CELF2: variants seen among roughly 807,000 people sequenced by gnomAD.
CELF2 encodes the protein CUGBP Elav-like family member 2.
Under a neutral mutation model 62.6 loss-of-function variants are expected in CELF2, and 8 were observed. The ratio of observed to expected loss-of-function variants is 0.13; its 90% confidence interval spans 0.07 to 0.23. The LOEUF is 0.23. Ranked by LOEUF, CELF2 falls within the 10% of genes least tolerant of loss-of-function variation. The probability of loss-of-function intolerance (pLI) is 1.00; values close to 1 mark genes in which losing one functional copy is unlikely to be tolerated. For synonymous variants in CELF2, 258 were observed against 250.0 expected (o/e 1.03, Z -0.30); for missense variants, 333 against 671.0 (o/e 0.50, Z 5.56).
chr10:10,945,348 G>A (rs1179613469), intron 2 of CELF2, among the ~76,000 whole-genome samples: 2 of 152,182 alleles, frequency 1.3e-5, no homozygotes, highest in African/African-American at 4.8e-5. Flanking sequence ...AACTTGCCCT[G>A]AGTACCTGCT....
At chr10:10,613,266 G>T in the CELF2 span, among the ~76,000 whole-genome samples, 2 of 152,120 alleles carry the variant, frequency 1.3e-5, no homozygotes, top group African/African-American at 2.4e-5. Context: ...GAATATTATT[G>T]TTGCTTGACA....
chr10:10,702,837 G>A, the CELF2 span, among the ~76,000 whole-genome samples: 1 of 152,138 alleles, frequency 6.6e-6, no homozygotes, highest in Non-Finnish European at 1.5e-5. Context: ...ACCCACCTAG[G>A]CCTCCCAAAG....
At chr10:10,878,552 C>A (rs1233743080) in intron 1 of CELF2, among the ~76,000 whole-genome samples, 2 of 152,150 alleles carry the variant, frequency 1.3e-5, no homozygotes, top group Non-Finnish European at 2.9e-5. Flanking sequence ...AGATCTCATA[C>A]ACACACGTCC....
rs1368028636 is a variant in CELF2, at chr10:11,178,109, T to A, written c.271+12427T>A. On this transcript the variant is annotated intron_variant, in intron 2 of 12. Transcript: ENST00000633077. The surrounding 1 kb of genome is among the most constrained non-coding windows in gnomAD (Gnocchi z 4.3). ...AGCTGCAGCCATGCTACCTGCCACATGCCCTGGCCTGCGTCAGCGTTATGG... is the reference window on the plus strand; with the variant it reads ...AGCTGCAGCCATGCTACCTGCCACAAGCCCTGGCCTGCGTCAGCGTTATGG... 6.6e-6 allele frequency among the ~76,000 whole-genome samples: 1 copy of A among 152,244 alleles called. No individual in the cohort carries two copies. The highest frequency in any genetic ancestry group is 2.4e-5 in the African/African-American group (1 of 41,470).
chr10:10,643,078 G>A, the CELF2 span, among the ~76,000 whole-genome samples: 1 of 152,242 alleles, frequency 6.6e-6, no homozygotes, highest in African/African-American at 2.4e-5. Context: ...TGTTTTAACT[G>A]TCACATGGCT....
chr10:11,180,424 G>A (rs796979294), intron 2 of CELF2, among the ~76,000 whole-genome samples: 11 of 152,334 alleles, frequency 7.2e-5, no homozygotes, highest in African/African-American at 2.6e-4. Context: ...GAACAGGGCC[G>A]TTGAGCAGAT....
the CELF2 span, among the ~76,000 whole-genome samples, chr10:10,649,961 A>G: frequency 6.6e-6 from 1 of 151,288 alleles, no homozygotes; most frequent in Admixed American, 6.6e-5. Flanking sequence ...TCGATGCCCG[A>G]GACAACACAG....
At chr10:10,493,059 C>T in the CELF2 span, among the ~76,000 whole-genome samples, 3 of 152,138 alleles carry the variant, frequency 2.0e-5, no homozygotes, top group African/African-American at 7.2e-5. Context: ...TCAGGTATGT[C>T]TTTATTAGCA....
intron 1 of CELF2, among the ~76,000 whole-genome samples, chr10:11,119,899 C>T: frequency 8.5e-6 from 1 of 117,492 alleles, no homozygotes; most frequent in Admixed American, 1.1e-4. Flanking sequence ...TGTTTATTGA[C>T]ATATTATTTG....
chr10:10,688,611 C>T, the CELF2 span, among the ~76,000 whole-genome samples: 15 of 152,264 alleles, frequency 9.9e-5, no homozygotes, highest in South Asian at 3.1e-3. Context: ...ATTCCTGGCA[C>T]CTTTATAATA....
At chr10:10,677,371 G>A in the CELF2 span, among the ~76,000 whole-genome samples, 2 of 152,288 alleles carry the variant, frequency 1.3e-5, no homozygotes, top group East Asian at 3.9e-4. Flanking sequence ...GAAACCAACT[G>A]CCCCTTTTGG....
intron 4 of CELF2, among the ~76,000 whole-genome samples, chr10:11,256,749 C>T (rs750051668): frequency 4.0e-5 from 6 of 151,322 alleles, no homozygotes; most frequent in Non-Finnish European, 5.9e-5. Context: ...TCTTTCGGGC[C>T]GAAAGTAGTT....
At chr10:11,021,524 G>A (rs1451014836) in intron 1 of CELF2, among the ~76,000 whole-genome samples, 2 of 152,336 alleles carry the variant, frequency 1.3e-5, no homozygotes, top group African/African-American at 4.8e-5. Context: ...TAGAGGGGCA[G>A]TGTGACGAGT....
At chr10:11,200,193 C>T (rs780957340) in intron 2 of CELF2, among the ~76,000 whole-genome samples, 7 of 152,162 alleles carry the variant, frequency 4.6e-5, no homozygotes, top group Non-Finnish European at 7.4e-5. Flanking sequence ...TTTCAAGAAC[C>T]AGTTCGCCCA....
At chr10:10,759,307 T>TCC in the CELF2 span, among the ~76,000 whole-genome samples, 1 of 133,330 alleles carries the variant, frequency 7.5e-6, no homozygotes, top group Admixed American at 7.7e-5. Flanking sequence ...TTTTTTTTTT[T>TCC]TTTTTTTTTT....
At chr10:11,158,621 A>C (rs777369114) in intron 1 of CELF2, among the ~76,000 whole-genome samples, 1 of 151,990 alleles carries the variant, frequency 6.6e-6, no homozygotes, top group East Asian at 1.9e-4. Flanking sequence ...CTCCAAATTT[A>C]CTTCTTTGTG....
chr10:10,851,682 A>C (rs1011097330), intron 1 of CELF2, among the ~76,000 whole-genome samples: 6 of 152,220 alleles, frequency 3.9e-5, no homozygotes, highest in African/African-American at 1.4e-4. Context: ...GGGAGAAAAT[A>C]GGTCTAAATC....
chr10:11,205,940 G>A (rs765741199), intron 2 of CELF2, among the ~76,000 whole-genome samples: 1 of 152,190 alleles, frequency 6.6e-6, no homozygotes, highest in African/African-American at 2.4e-5. Context: ...GATTTCTATA[G>A]CCAAAGGGTT....
chr10:10,789,623 A>G, the CELF2 span, among the ~76,000 whole-genome samples: 1 of 152,180 alleles, frequency 6.6e-6, no homozygotes, highest in African/African-American at 2.4e-5. Context: ...TCATTGTATC[A>G]TTACATATAA....
Sources: allele counts gnomAD v4.1 joint callset (sites outside exome capture counted in the v4.1 genomes callset), GRCh38; gene constraint gnomAD v4.1.1; non-coding constraint Gnocchi (gnomAD v3.1); transcripts MANE v1.5; gene names NCBI Gene and HGNC (gene_info 2026-07-23, HGNC 2026-07-21).